Variants in SHISA9 observed in about 807,000 individuals in gnomAD.
The protein encoded by SHISA9 is protein shisa-9.
SHISA9 carries 13 observed loss-of-function variants against 38.0 expected under a neutral mutation model. That is an observed-to-expected ratio of 0.34 (90% CI 0.22 to 0.54). SHISA9 has a LOEUF of 0.54. Among genes scored for constraint, SHISA9 ranks in the 20% least tolerant of loss-of-function variants. The probability of loss-of-function intolerance (pLI) is 0.91; values close to 1 mark genes in which losing one functional copy is unlikely to be tolerated. For synonymous variants in SHISA9, 275 were observed against 242.0 expected, an observed-to-expected ratio of 1.14 and a Z score of -1.27; for missense variants, 538 against 575.8, an observed-to-expected ratio of 0.93 and a Z score of 0.67.
At chr16:13,206,847 C>T (rs997170218) in intron 3 of SHISA9, among the ~76,000 whole-genome samples, 6 of 152,198 alleles carry the variant, frequency 3.9e-5, no homozygotes, top group African/African-American at 1.4e-4. Context: ...ATCCTAACTG[C>T]ATTCAAATAT....
At chr16:13,264,569 G>A in the SHISA9 span, among the ~76,000 whole-genome samples, 3 of 152,066 alleles carry the variant, frequency 2.0e-5, no homozygotes, top group Non-Finnish European at 2.9e-5. Context: ...AACATTTTGC[G>A]CTTCAAAGGT....
chr16:13,198,560 TG>T (rs2050972811), intron 2 of SHISA9, among the ~76,000 whole-genome samples: 1 of 152,212 alleles, frequency 6.6e-6, no homozygotes. Context: ...GATTCCAACC[TG>T]GGCTTATCTC....
intron 1 of SHISA9, chr16:12,909,309 A>G: frequency 1.0e-6 from 1 of 985,398 alleles, no homozygotes; most frequent in Non-Finnish European, 1.2e-6. Context: ...TGTAATCATT[A>G]CTCTAGAAAG....
intron 2 of SHISA9, among the ~76,000 whole-genome samples, chr16:12,940,208 G>A (rs930096993): frequency 7.9e-5 from 12 of 152,250 alleles, no homozygotes; most frequent in East Asian, 7.7e-4. Flanking sequence ...CAGAGCTTGG[G>A]CTTGGGGGCC....
chr16:13,282,801 T>G, the SHISA9 span, among the ~76,000 whole-genome samples: 1 of 152,166 alleles, frequency 6.6e-6, no homozygotes, highest in Non-Finnish European at 1.5e-5. Context: ...GACTTTTCGT[T>G]ACTATACTTC....
chr16:13,527,347 A>C, the SHISA9 span, among the ~76,000 whole-genome samples: 26 of 152,282 alleles, frequency 1.7e-4, no homozygotes, highest in South Asian at 4.1e-4. Context: ...TTTTAGTACA[A>C]CACCACTCCC....
chr16:13,073,580 G>A (rs1169032194), intron 2 of SHISA9, among the ~76,000 whole-genome samples: 3 of 152,176 alleles, frequency 2.0e-5, no homozygotes, highest in African/African-American at 7.2e-5. Flanking sequence ...GCAATCTGCA[G>A]TGCAAAGTCA....
At chr16:13,401,801 T>C in the SHISA9 span, among the ~76,000 whole-genome samples, 10 of 152,096 alleles carry the variant, frequency 6.6e-5, no homozygotes, top group African/African-American at 1.9e-4. Context: ...CTGGGTAATA[T>C]ATAAAGAAAA....
In SHISA9 at chr16:13,135,446, A is replaced by G. The variant is rs2050340546; in HGVS notation, c.692-67948A>G. On this transcript the variant is annotated intron_variant, in intron 2 of 4. Coordinates refer to ENST00000558583, the MANE Select transcript of SHISA9 (RefSeq NM_001145204.3). ...GTCTTTCCAGGGCAGCCAACATCCA[A>G]TCACTGAATGCGGCATATATACAAA... is the stretch of plus-strand genomic sequence containing the variant. 4.6e-5 allele frequency among the ~76,000 whole-genome samples: 7 copies of G among 152,184 alleles called. No homozygotes were observed. In the South Asian group the frequency reaches 8.3e-4, roughly 18 times the overall value.
the SHISA9 span, among the ~76,000 whole-genome samples, chr16:13,519,955 C>A: frequency 6.6e-6 from 1 of 152,070 alleles, no homozygotes; most frequent in African/African-American, 2.4e-5. Context: ...ATATCAACAC[C>A]CCTTCATGAA....
the SHISA9 span, among the ~76,000 whole-genome samples, chr16:13,300,817 A>G: frequency 1.2e-4 from 18 of 149,682 alleles, no homozygotes; most frequent in African/African-American, 4.4e-4. Context: ...TGGCTCTGTG[A>G]TAAAATCTCC....
At chr16:13,089,508 C>A (rs1230553035) in intron 2 of SHISA9, among the ~76,000 whole-genome samples, 2 of 152,210 alleles carry the variant, frequency 1.3e-5, no homozygotes, top group African/African-American at 4.8e-5. Flanking sequence ...AGAAATTCAA[C>A]TTCTTCCTAG....
At chr16:13,483,171 C>T in the SHISA9 span, among the ~76,000 whole-genome samples, 1 of 152,134 alleles carries the variant, frequency 6.6e-6, no homozygotes, top group Non-Finnish European at 1.5e-5. Flanking sequence ...CTTGCAGATG[C>T]GTGGGGGTGT....
intron 2 of SHISA9, among the ~76,000 whole-genome samples, chr16:13,166,159 C>G (rs935499112): frequency 6.6e-6 from 1 of 152,172 alleles, no homozygotes; most frequent in Non-Finnish European, 1.5e-5. Context: ...AATCAAGGTC[C>G]TGATAAATGA....
the SHISA9 span, among the ~76,000 whole-genome samples, chr16:13,445,466 A>G: frequency 6.6e-6 from 1 of 152,226 alleles, no homozygotes; most frequent in Non-Finnish European, 1.5e-5. Flanking sequence ...ATTTGCAGAA[A>G]GAACGAAGGA....
rs373023712 is a variant in SHISA9, at chr16:12,994,212, A to T, written c.691+77397A>T. On this transcript the variant is annotated intron_variant, in intron 2 of 4. Transcript: ENST00000558583. ...GAGGGAGCCAGGGATAGTCGTTGGA[A>T]GGCTGTTGTAGACATCCAGTTGAGA... 2.2e-4 allele frequency among the ~76,000 whole-genome samples: 34 copies of T among 152,298 alleles called. 1 individual carries two copies. In the South Asian group the frequency reaches 6.2e-3, roughly 28 times the overall value.
At chr16:13,550,349 C>T in the SHISA9 span, among the ~76,000 whole-genome samples, 10 of 152,164 alleles carry the variant, frequency 6.6e-5, no homozygotes, top group South Asian at 2.1e-4. Context: ...CTAGATGATG[C>T]GTAAGTGCCT....
intron 2 of SHISA9, among the ~76,000 whole-genome samples, chr16:13,144,700 T>A (rs914839331): frequency 2.0e-5 from 3 of 152,214 alleles, no homozygotes; most frequent in African/African-American, 7.2e-5. Context: ...AAGCTAAAGT[T>A]TTATGCTGAA....
At chr16:13,460,792 ACAG>A in the SHISA9 span, among the ~76,000 whole-genome samples, 1 of 152,184 alleles carries the variant, frequency 6.6e-6, no homozygotes. Context: ...TAGGTCGACT[ACAG>A]CTGGTCTGGA....
Sources: gnomAD v4.1 joint callset for allele counts (sites outside exome capture counted in the v4.1 genomes callset) on GRCh38, gnomAD v4.1.1 for gene constraint, MANE v1.5 for transcripts, NCBI Gene and HGNC (gene_info 2026-07-23, HGNC 2026-07-21) for gene names.